NAALADL2: variants seen among roughly 807,000 people sequenced by gnomAD.
The protein encoded by NAALADL2 is N-acetylated alpha-linked acidic dipeptidase like 2, also known as inactive N-acetylated-alpha-linked acidic dipeptidase-like protein 2.
Under a neutral mutation model 87.2 loss-of-function variants are expected in NAALADL2, and 76 were observed. The observed-to-expected ratio is 0.87, with a 90% CI of 0.72 to 1.05. NAALADL2 has a LOEUF of 1.05. Ranked by LOEUF, NAALADL2 falls within the 50% of genes least tolerant of loss-of-function variation. NAALADL2 has a pLI of 0.00. For missense variants in NAALADL2, 1,089 were observed against 945.8 expected (o/e 1.15, Z -1.99); for synonymous variants, 354 against 331.0 (o/e 1.07, Z -0.75).
intron 10 of NAALADL2, among the ~76,000 whole-genome samples, chr3:175,618,996 A>C (rs1353222954): frequency 6.6e-6 from 1 of 152,194 alleles, no homozygotes; most frequent in Non-Finnish European, 1.5e-5. Context: ...TGGATCCCTC[A>C]GATCTGATTT....
intron 12 of NAALADL2, among the ~76,000 whole-genome samples, chr3:175,752,935 G>A (rs1746791400): frequency 6.6e-6 from 1 of 152,066 alleles, no homozygotes; most frequent in Non-Finnish European, 1.5e-5. Context: ...TCCTTGTGCA[G>A]AGATATTCCC....
intron 3 of NAALADL2, among the ~76,000 whole-genome samples, chr3:174,801,125 C>T (rs9825920): frequency 0.014 from 2,122 of 152,286 alleles, 62 homozygotes; most frequent in African/African-American, 0.049. Flanking sequence ...GTAGGAAAGA[C>T]ATGATTGGTT....
At chr3:175,726,705 T>C (rs1742971704) in intron 11 of NAALADL2, among the ~76,000 whole-genome samples, 1 of 152,112 alleles carries the variant, frequency 6.6e-6, no homozygotes, top group Non-Finnish European at 1.5e-5. Flanking sequence ...CAATGAACTA[T>C]GTGTGATCAG....
chr3:175,159,651 T>G (rs926599599), intron 2 of NAALADL2, among the ~76,000 whole-genome samples: 1 of 152,162 alleles, frequency 6.6e-6, no homozygotes, highest in Non-Finnish European at 1.5e-5. Context: ...TAAAGGAATA[T>G]TTTTGATTTC....
At chr3:175,211,940 A>G (rs1741834194) in intron 2 of NAALADL2, among the ~76,000 whole-genome samples, 1 of 152,046 alleles carries the variant, frequency 6.6e-6, no homozygotes, top group Non-Finnish European at 1.5e-5. Context: ...TCACTCACTC[A>G]CTAAAAATTT....
chr3:175,168,429 C>T (rs773162951), intron 2 of NAALADL2, among the ~76,000 whole-genome samples: 8 of 151,772 alleles, frequency 5.3e-5, no homozygotes, highest in Non-Finnish European at 1.2e-4. Context: ...ATGTTCAAGA[C>T]AGTCCTTTTA....
chr3:174,854,761 C>A (rs998774617), upstream of NAALADL2, among the ~76,000 whole-genome samples: 1 of 150,474 alleles, frequency 6.6e-6, no homozygotes, highest in African/African-American at 2.4e-5. Flanking sequence ...ATATTGAATA[C>A]GTAACACAGT....
intron 2 of NAALADL2, among the ~76,000 whole-genome samples, chr3:174,668,577 C>A (rs938290217): frequency 6.6e-6 from 1 of 152,130 alleles, no homozygotes; most frequent in South Asian, 2.1e-4. Flanking sequence ...CCCTCTCCCC[C>A]CACCCCGCAA....
chr3:174,814,942 C>G (rs1397909613), intron 3 of NAALADL2, among the ~76,000 whole-genome samples: 2 of 152,178 alleles, frequency 1.3e-5, no homozygotes, highest in East Asian at 3.9e-4. Flanking sequence ...CATTTCAATA[C>G]TTACCCGGGC....
chr3:175,490,553 G>T (rs1187472294), intron 9 of NAALADL2, among the ~76,000 whole-genome samples: 3 of 138,332 alleles, frequency 2.2e-5, no homozygotes, highest in African/African-American at 8.0e-5. Flanking sequence ...CGCCTGGCTA[G>T]TTTTTTTTTT....
chr3:174,490,479 T>G (rs1718112288), intron 1 of NAALADL2, among the ~76,000 whole-genome samples: 2 of 152,130 alleles, frequency 1.3e-5, no homozygotes, highest in Admixed American at 1.3e-4. Context: ...TGTGATGATT[T>G]TTGCAACCAT....
intron 4 of NAALADL2, among the ~76,000 whole-genome samples, chr3:175,306,832 A>G (rs1277674421): frequency 2.0e-5 from 3 of 152,040 alleles, no homozygotes; most frequent in African/African-American, 7.2e-5. Flanking sequence ...GAAGTCCAGA[A>G]CTTCTTAGAG....
chr3:175,698,425 G>T lies in NAALADL2; in HGVS notation c.1897-38881G>T, dbSNP rs62284552. Among the ~76,000 whole-genome samples the T allele has an allele frequency of 2.3e-5, 2 of 85,460 alleles. 1 individual carries two copies. The highest frequency in any genetic ancestry group is 1.5e-4 in the African/African-American group (2 of 13,404). 56.1% of individuals were successfully genotyped at this position (85,460 alleles called of 152,430 possible). ...TGTGTATTTATGTATGTATACATAT[G>T]TATGTGTATATATTTATGTATGTAT... On this transcript the variant is annotated intron_variant, in intron 11 of 13. Transcript: ENST00000454872.
chr3:175,259,135 C>T (rs765189599), intron 4 of NAALADL2, among the ~76,000 whole-genome samples: 2 of 152,156 alleles, frequency 1.3e-5, no homozygotes, highest in East Asian at 1.9e-4. Context: ...AGCCCCAGAA[C>T]GTGTGGAGCT....
At chr3:175,691,983 G>A (rs143020810) in intron 11 of NAALADL2, among the ~76,000 whole-genome samples, 1 of 152,118 alleles carries the variant, frequency 6.6e-6, no homozygotes, top group African/African-American at 2.4e-5. Flanking sequence ...CGAATATGAT[G>A]CTGCTAAAGT....
At chr3:174,577,829 ACTAT>A (rs1560068000) in intron 2 of NAALADL2, among the ~76,000 whole-genome samples, 1 of 152,078 alleles carries the variant, frequency 6.6e-6, no homozygotes, top group Non-Finnish European at 1.5e-5. Context: ...AGATCTTGAA[ACTAT>A]CTGACAAGAA....
At chr3:175,785,781 T>C (rs1346905584) in intron 13 of NAALADL2, among the ~76,000 whole-genome samples, 3 of 150,594 alleles carry the variant, frequency 2.0e-5, no homozygotes, top group Admixed American at 6.6e-5. Context: ...CGTTAGTTGA[T>C]GCAGTTTCTT....
intron 6 of NAALADL2, among the ~76,000 whole-genome samples, chr3:175,453,129 C>T (rs754002455): frequency 6.6e-5 from 10 of 152,222 alleles, no homozygotes; most frequent in South Asian, 2.1e-4. Context: ...TATTTCTCAA[C>T]GATTTTACAG....
chr3:175,499,095 G>GAT (rs1729197659), intron 9 of NAALADL2, among the ~76,000 whole-genome samples: 1 of 152,018 alleles, frequency 6.6e-6, no homozygotes, highest in Admixed American at 6.6e-5. Context: ...TCACTGTAGG[G>GAT]TTAATGCAGA....
Sources: allele counts gnomAD v4.1 joint callset (sites outside exome capture counted in the v4.1 genomes callset), GRCh38; gene constraint gnomAD v4.1.1; transcripts MANE v1.5; gene names NCBI Gene and HGNC (gene_info 2026-07-23, HGNC 2026-07-21).